The following RPH3A variants were observed in gnomAD, a reference collection of about 807,000 sequenced individuals.
The protein encoded by RPH3A is rabphilin 3A, also known as rabphilin-3A.
In RPH3A, 48 loss-of-function variants were observed where a neutral mutation model predicts 102.2. The observed-to-expected ratio is 0.47, with a 90% CI of 0.37 to 0.60. The LOEUF (loss-of-function observed/expected upper bound fraction) is 0.60. Among genes scored for constraint, RPH3A ranks in the 20% least tolerant of loss-of-function variants. The pLI is 0.00. For missense variants in RPH3A, 781 were observed against 910.1 expected (o/e 0.86, Z 1.83); for synonymous variants, 310 against 324.3 (o/e 0.96, Z 0.47).
At chr12:112,633,581 G>C (rs2039823419) in intron 1 of RPH3A, among the ~76,000 whole-genome samples, 1 of 152,158 alleles carries the variant, frequency 6.6e-6, no homozygotes, top group East Asian at 1.9e-4. Flanking sequence ...TCTGCAGAGA[G>C]TCCCCACCAG....
chr12:112,607,928 C>T (rs1167189518), intron 1 of RPH3A, among the ~76,000 whole-genome samples: 1 of 152,150 alleles, frequency 6.6e-6, no homozygotes, highest in Non-Finnish European at 1.5e-5. Context: ...CCTTTAGTGG[C>T]TCTCTGTTCC....
intron 1 of RPH3A, among the ~76,000 whole-genome samples, chr12:112,627,685 A>G (rs987939937): frequency 4.6e-5 from 7 of 152,116 alleles, no homozygotes; most frequent in Non-Finnish European, 8.8e-5. Context: ...GGTAGGTGCT[A>G]TGGAGAAAGA....
At chr12:112,751,707 A>G (rs1450598120) in intron 1 of RPH3A, among the ~76,000 whole-genome samples, 1 of 152,150 alleles carries the variant, frequency 6.6e-6, no homozygotes, top group African/African-American at 2.4e-5. Flanking sequence ...GCTTGAGCCC[A>G]GGAGTTTGAA....
intron 1 of RPH3A, among the ~76,000 whole-genome samples, chr12:112,678,299 A>AGAGAGAGAGAGAGAGAGAGAG: frequency 2.4e-5 from 1 of 41,382 alleles, no homozygotes; most frequent in South Asian, 6.6e-4. Flanking sequence ...GAAAGAAAGA[A>AGAGAGAGAGAGAGAGAGAGAG]AGAAAGAGAG....
intron 19 of RPH3A, among the ~76,000 whole-genome samples, chr12:112,892,188 A>G (rs1441962214): frequency 6.6e-6 from 1 of 152,190 alleles, no homozygotes; most frequent in East Asian, 1.9e-4. Context: ...TGCTCTAGCT[A>G]TGTGACCTGG....
chr12:112,708,691 T>G (rs1378182026), intron 1 of RPH3A, among the ~76,000 whole-genome samples: 3 of 152,110 alleles, frequency 2.0e-5, no homozygotes, highest in Admixed American at 6.5e-5. Flanking sequence ...AAAGCCTTTG[T>G]TGGTGGATGA....
chr12:112,742,803 T>C (rs2040718922), intron 1 of RPH3A, among the ~76,000 whole-genome samples: 1 of 152,216 alleles, frequency 6.6e-6, no homozygotes, highest in Non-Finnish European at 1.5e-5. Context: ...TTGCTTGAAC[T>C]AATACATATG....
At chr12:112,721,209 G>T (rs947729524) in intron 1 of RPH3A, among the ~76,000 whole-genome samples, 1 of 152,106 alleles carries the variant, frequency 6.6e-6, no homozygotes, top group Non-Finnish European at 1.5e-5. Flanking sequence ...CTCTTCCAGG[G>T]GTGTGGATAT....
intron 1 of RPH3A, among the ~76,000 whole-genome samples, chr12:112,772,551 A>G (rs1186287802): frequency 6.6e-6 from 1 of 152,084 alleles, no homozygotes; most frequent in African/African-American, 2.4e-5. Context: ...TTGTACTCTA[A>G]ATGACTTTTG....
chr12:112,582,940 C>T (rs978079976), intron 1 of RPH3A, among the ~76,000 whole-genome samples: 2 of 152,112 alleles, frequency 1.3e-5, no homozygotes, highest in African/African-American at 4.8e-5. Context: ...ATGGCTCTTT[C>T]AATGGTTCTA....
chr12:112,779,253 A>C (rs544292255), intron 1 of RPH3A, among the ~76,000 whole-genome samples: 2 of 152,326 alleles, frequency 1.3e-5, no homozygotes, highest in South Asian at 4.1e-4. Flanking sequence ...CATGCAGCCT[A>C]AAGGCGCTTC....
At chr12:112,859,794 A>G (rs2042476444) in intron 5 of RPH3A, among the ~76,000 whole-genome samples, 1 of 152,228 alleles carries the variant, frequency 6.6e-6, no homozygotes, top group Non-Finnish European at 1.5e-5. Context: ...CCAACCCCAT[A>G]GAATTATTCT....
At chr12:112,671,766 C>T (rs2040131665) in intron 1 of RPH3A, among the ~76,000 whole-genome samples, 1 of 151,874 alleles carries the variant, frequency 6.6e-6, no homozygotes, top group South Asian at 2.1e-4. Flanking sequence ...TACAGAGTAG[C>T]AGAGAGTACA....
intron 5 of RPH3A, among the ~76,000 whole-genome samples, chr12:112,862,591 A>G (rs1292165469): frequency 6.6e-6 from 1 of 151,606 alleles, no homozygotes; most frequent in African/African-American, 2.4e-5. Flanking sequence ...CTTCTAGGGA[A>G]GATGGGGTGG....
chr12:112,744,631 A>G (rs980185786), intron 1 of RPH3A, among the ~76,000 whole-genome samples: 1 of 152,098 alleles, frequency 6.6e-6, no homozygotes, highest in African/African-American at 2.4e-5. Context: ...GGGTCATCTC[A>G]TCAACTCTTT....
intron 5 of RPH3A, among the ~76,000 whole-genome samples, chr12:112,854,995 C>G (rs561619863): frequency 1.0e-4 from 15 of 150,278 alleles, no homozygotes; most frequent in South Asian, 4.3e-4. Flanking sequence ...TTCCTCTTTA[C>G]CACAGTGATC....
At chr12:112,812,460 G>A (rs1565895221) in intron 2 of RPH3A, among the ~76,000 whole-genome samples, 1 of 152,182 alleles carries the variant, frequency 6.6e-6, no homozygotes. Flanking sequence ...GATTGAAGAA[G>A]GCATTACAGG....
intron 1 of RPH3A, among the ~76,000 whole-genome samples, chr12:112,673,659 C>G (rs1189647306): frequency 6.6e-6 from 1 of 152,166 alleles, no homozygotes; most frequent in African/African-American, 2.4e-5. Flanking sequence ...TTCATCCCTT[C>G]AAGCATTTAT....
chr12:112,867,738 A>G (rs191099865), intron 7 of RPH3A, among the ~76,000 whole-genome samples: 2 of 152,336 alleles, frequency 1.3e-5, no homozygotes, highest in Admixed American at 6.5e-5. Flanking sequence ...TAAATACCGT[A>G]GTCCCACCCT....
Sources: allele counts gnomAD v4.1 joint callset (sites outside exome capture counted in the v4.1 genomes callset), GRCh38; gene constraint gnomAD v4.1.1; transcripts MANE v1.5; gene names NCBI Gene and HGNC (gene_info 2026-07-23, HGNC 2026-07-21).